KDM3B: variants seen among roughly 807,000 people sequenced by gnomAD.
KDM3B encodes lysine demethylase 3B.
In KDM3B, 10 loss-of-function variants were observed where a neutral mutation model predicts 170.0. The ratio of observed to expected loss-of-function variants is 0.06; its 90% CI spans 0.04 to 0.10. The LOEUF (loss-of-function observed/expected upper bound fraction) is 0.10. KDM3B is among the 10% of genes least tolerant of loss of function. KDM3B has a pLI of 1.00. For synonymous variants in KDM3B, 831 were observed against 834.8 expected (o/e 1.00, Z 0.08); for missense variants, 1,394 against 2,195.2 (o/e 0.64, Z 7.29).
In KDM3B at chr5:138,377,838, A is replaced by G; in HGVS notation, c.580+13A>G. On this transcript the variant is annotated intron_variant, in intron 4 of 23. Coordinates refer to ENST00000314358, the MANE Select transcript of KDM3B (RefSeq NM_016604.4). ...ATATTCAGCCGAGGTAAGAACGGAT[A>G]GTCTTCTGTCCCTGAACTCTGATTC... 1 of 1,576,502 alleles carries G rather than the reference A, an allele frequency of 6.3e-7. No homozygotes were observed. Among genetic ancestry groups the G allele is most frequent in the Non-Finnish European group, 8.7e-7 (1 of 1,146,010 alleles).
chr5:138,377,983 TAA>T (rs1177930498), intron 4 of KDM3B, among the ~76,000 whole-genome samples, 158 bp downstream of exon 4: 4 of 152,092 alleles, frequency 2.6e-5, no homozygotes, highest in African/African-American at 9.7e-5. Flanking sequence ...TATTATTTAT[TAA>T]AAAATAAAAA....
At chr5:138,421,281 G>T (rs1303589395) in intron 15 of KDM3B, among the ~76,000 whole-genome samples, 1 of 152,046 alleles carries the variant, frequency 6.6e-6, no homozygotes, top group Non-Finnish European at 1.5e-5. Flanking sequence ...TATTCTCTTG[G>T]ATATCTAATA....
At position 138,435,915 on chromosome 5, in the gene KDM3B, A is replaced by G. The variant is rs930752544; in HGVS notation, c.*215A>G. On this transcript the variant is annotated 3_prime_UTR_variant, in exon 24 of 24. Coordinates refer to ENST00000314358, the MANE Select transcript of KDM3B (RefSeq NM_016604.4). ...TTCACACACACAGTTTGAGACTCCAAGCCAAGAGTGCCACATCCCTATCCT... is the reference window on the plus strand; with the variant it reads ...TTCACACACACAGTTTGAGACTCCAGGCCAAGAGTGCCACATCCCTATCCT... 9.2e-6 allele frequency: 5 copies of G among 541,000 alleles called. No individual in the cohort carries two copies. Among genetic ancestry groups the G allele is most frequent in the African/African-American group, 3.8e-5 (2 of 52,346 alleles). The allele number at this position is 541,000 out of a possible 1,614,324, so 33.5% of individuals were successfully genotyped here.
At position 138,355,815 on chromosome 5, in the gene KDM3B, G is replaced by A. The variant is rs569243329; in HGVS notation, c.192+2828G>A. On this transcript the variant is annotated intron_variant, in intron 1 of 23. Coordinates refer to ENST00000314358, the MANE Select transcript of KDM3B (RefSeq NM_016604.4). ...GAAACCCATGGATTTTCCTTTTTTTGGTTATAAAAGCAAAGCTTGTAATTT... is the reference window on the plus strand; with the variant it reads ...GAAACCCATGGATTTTCCTTTTTTTAGTTATAAAAGCAAAGCTTGTAATTT... Among the ~76,000 whole-genome samples, 26 of 152,066 alleles carry A rather than the reference G, an allele frequency of 1.7e-4. No individual in the cohort carries two copies. In the East Asian group the frequency reaches 5.0e-3, roughly 29 times the overall value.
intron 3 of KDM3B, among the ~76,000 whole-genome samples, chr5:138,375,430 T>C (rs1761973357): frequency 6.6e-6 from 1 of 151,984 alleles, no homozygotes; most frequent in Non-Finnish European, 1.5e-5. Flanking sequence ...CAAGCTGGAG[T>C]GCAGTGGTGC....
rs560047370 is a variant in KDM3B at position 138,411,020 on chromosome 5, T to A, written c.3200-4112T>A. 2.0e-5 allele frequency among the ~76,000 whole-genome samples: 3 copies of A among 152,312 alleles called. No individual in the cohort carries two copies. The East Asian group carries it at 5.8e-4, about 29-fold the overall frequency. On this transcript the variant is annotated intron_variant, in intron 11 of 23. Transcript: ENST00000314358. Reference sequence around the variant, plus strand: ...TAACTGCGGGCAAGCCTGACTGATGTCAGGCCCTCCACAAGAGGTGGAGGA... The same window carrying A: ...TAACTGCGGGCAAGCCTGACTGATGACAGGCCCTCCACAAGAGGTGGAGGA...
In KDM3B at chr5:138,391,456, C is replaced by T. The variant is rs1330509179; in HGVS notation, c.1824C>T (p.Ser608=). Residue 608 remains serine, a synonymous_variant, in exon 8 of 24, where the codon AGC becomes AGT. Transcript: ENST00000314358. This position sits in a 1 kb window ranked among gnomAD's most constrained non-coding sequence, Gnocchi z 5.0. The stretch of plus-strand genomic sequence containing the variant: ...CCCTCACTCCAGCCTTCCCACGGAG[C>T]CTCCTAAATGCCCGTACCCCAGAGA... ...MPTLTPAFPR[S]LLNARTPENH... The T allele has an allele frequency of 1.2e-6, 2 of 1,614,110 alleles. No homozygotes were observed. The highest frequency in any genetic ancestry group is 1.3e-5 in the African/African-American group (1 of 75,038).
intron 1 of KDM3B, among the ~76,000 whole-genome samples, chr5:138,361,318 G>C (rs1761603572): frequency 1.4e-5 from 2 of 145,256 alleles, no homozygotes; most frequent in African/African-American, 5.1e-5. Flanking sequence ...ACCTCCTTCA[G>C]TTTTCTAAGG....
At chr5:138,367,049 A>T (rs969265372) in intron 1 of KDM3B, among the ~76,000 whole-genome samples, 4 of 152,150 alleles carry the variant, frequency 2.6e-5, no homozygotes, top group Non-Finnish European at 2.9e-5. Flanking sequence ...TGCCAGAAGG[A>T]TGCAGCTTGT....
At position 138,354,699 on chromosome 5, in the gene KDM3B, C is replaced by T. The variant is rs755961238; in HGVS notation, c.192+1712C>T. Among the ~76,000 whole-genome samples, 7 of 152,270 alleles carry T rather than the reference C, an allele frequency of 4.6e-5. No individual in the cohort carries two copies. In the East Asian group the frequency reaches 1.2e-3, roughly 25 times the overall value. Reference sequence around the variant, plus strand: ...CTGAATAATTTTACCACTGATCCCACGGAACTGGGTTCTCAAACCAAGTAA... The same window carrying T: ...CTGAATAATTTTACCACTGATCCCATGGAACTGGGTTCTCAAACCAAGTAA... On this transcript the variant is annotated intron_variant, in intron 1 of 23. Coordinates refer to ENST00000314358, the MANE Select transcript of KDM3B (RefSeq NM_016604.4).
intron 14 of KDM3B, 97 bp downstream of exon 14, chr5:138,419,329 A>C: frequency 7.3e-7 from 1 of 1,366,654 alleles, no homozygotes; most frequent in Non-Finnish European, 9.9e-7. Context: ...CATTTATGAA[A>C]CATGCTACTT....
chr5:138,352,767 C>T lies in KDM3B; in HGVS notation c.-29C>T. 3.4e-6 allele frequency: 3 copies of T among 871,430 alleles called. No individual in the cohort carries two copies. Among genetic ancestry groups the T allele is most frequent in the Non-Finnish European group, 4.1e-6 (3 of 723,988 alleles). 54.0% of individuals were successfully genotyped at this position (871,430 alleles called of 1,614,324 possible). The stretch of plus-strand genomic sequence containing the variant: ...GGCGGAGGTGGTGGGAGGCGGCGGG[C>T]GGGAGCGCGGGTCAGGCCGGCCCCG... On this transcript the variant is annotated 5_prime_UTR_variant, in exon 1 of 24. Coordinates refer to ENST00000314358, the MANE Select transcript of KDM3B (RefSeq NM_016604.4).
At position 138,393,499 on chromosome 5, in the gene KDM3B, AGCG is replaced by A. The variant is rs2126953899; in HGVS notation, c.2831+128_2831+130del. The A allele has an allele frequency of 4.0e-6, 3 of 746,642 alleles. No homozygotes were observed. In the East Asian group the frequency reaches 8.1e-5, roughly 20 times the overall value. The allele number at this position is 746,642 out of a possible 1,614,324, so 46.3% of individuals were successfully genotyped here. ...TGCTTTCCTCAACTCCTTTGCTCTC[AGCG>A]TCTGTGAAGAGGCTCTGGCATAGTA... On this transcript the variant is annotated intron_variant, in intron 9 of 23. Transcript: ENST00000314358.
At chr5:138,367,884 G>C (rs1761780702) in intron 1 of KDM3B, among the ~76,000 whole-genome samples, 2 of 151,984 alleles carry the variant, frequency 1.3e-5, no homozygotes, top group African/African-American at 2.4e-5. Context: ...GTGGTGGCAG[G>C]CACCTGTAGT....
chr5:138,359,324 G>A (rs1046620228), intron 1 of KDM3B, among the ~76,000 whole-genome samples: 1 of 151,868 alleles, frequency 6.6e-6, no homozygotes, highest in Non-Finnish European at 1.5e-5. Context: ...ACCATGCCCG[G>A]CTAATGTTTG....
At chr5:138,413,517 A>G (rs954080841) in intron 11 of KDM3B, among the ~76,000 whole-genome samples, 10 of 152,236 alleles carry the variant, frequency 6.6e-5, no homozygotes, top group African/African-American at 2.4e-4. Context: ...TTACAAAGTT[A>G]TAAAGCTAAA....
At chr5:138,371,624 A>T (rs1366389429) in intron 1 of KDM3B, among the ~76,000 whole-genome samples, 2 of 152,126 alleles carry the variant, frequency 1.3e-5, no homozygotes, top group African/African-American at 4.8e-5. Flanking sequence ...TGACTACAGC[A>T]AGTGTCTGCT....
chr5:138,427,073 A>G lies in KDM3B; in HGVS notation c.4502+8A>G. 1 of 1,613,278 alleles carries G rather than the reference A, an allele frequency of 6.2e-7. No homozygotes were observed. Among genetic ancestry groups the G allele is most frequent in the Non-Finnish European group, 8.5e-7 (1 of 1,179,232 alleles). Reference sequence around the variant, plus strand: ...AGACATGATGCCAACCAGGTTAGTGACCTGCAGTGGTGTCATCTTCAGAAG... The same window carrying G: ...AGACATGATGCCAACCAGGTTAGTGGCCTGCAGTGGTGTCATCTTCAGAAG... On this transcript the variant is annotated splice_region_variant and intron_variant, in intron 18 of 23. Transcript: ENST00000314358.
intron 6 of KDM3B, among the ~76,000 whole-genome samples, chr5:138,383,823 A>C (rs1169913172): frequency 6.6e-6 from 1 of 151,982 alleles, no homozygotes; most frequent in African/African-American, 2.4e-5. Flanking sequence ...AGTGGCGGGC[A>C]CCTGTAATCC....
Sources: allele counts gnomAD v4.1 joint callset (sites outside exome capture counted in the v4.1 genomes callset), GRCh38; gene constraint gnomAD v4.1.1; non-coding constraint Gnocchi (gnomAD v3.1); transcripts MANE v1.5; gene names NCBI Gene and HGNC (gene_info 2026-07-23, HGNC 2026-07-21).